RNLS: variants seen among roughly 807,000 people sequenced by gnomAD.
RNLS encodes renalase, FAD dependent amine oxidase, also known as renalase.
A neutral mutation model predicts 39.8 loss-of-function variants in RNLS; 39 were observed. That is an observed-to-expected ratio of 0.98 (90% confidence interval 0.76 to 1.28). The LOEUF (loss-of-function observed/expected upper bound fraction) is 1.28, where lower values mean the gene tolerates loss of function less well. Ranked by LOEUF, RNLS falls within the 50% of genes most tolerant of loss-of-function variation. The probability of loss-of-function intolerance (pLI) is 0.00; values close to 1 mark genes in which losing one functional copy is unlikely to be tolerated. For synonymous variants in RNLS, 147 were observed against 150.7 expected (o/e 0.98, Z 0.18); for missense variants, 410 against 413.3 (o/e 0.99, Z 0.07).
chr10:88,276,314 G>T (rs1162871282), intron 6 of RNLS, among the ~76,000 whole-genome samples: 1 of 151,922 alleles, frequency 6.6e-6, no homozygotes, highest in Non-Finnish European at 1.5e-5. Context: ...GTATTTTTAT[G>T]ATTTCTTTTG....
chr10:88,265,377 T>C, the RNLS span, among the ~76,000 whole-genome samples: 3 of 148,844 alleles, frequency 2.0e-5, no homozygotes, highest in East Asian at 3.9e-4. Context: ...GATTTTTTTC[T>C]AGTTCTGTGA....
chr10:88,516,810 T>C (rs1411316022), intron 4 of RNLS, among the ~76,000 whole-genome samples: 1 of 152,030 alleles, frequency 6.6e-6, no homozygotes, highest in African/African-American at 2.4e-5. Context: ...TCATCTCTGT[T>C]GACAGCTGTA....
intron 5 of RNLS, among the ~76,000 whole-genome samples, chr10:88,316,464 C>G (rs1845773950): frequency 6.6e-6 from 1 of 152,198 alleles, no homozygotes. Context: ...CACCCCTCTT[C>G]CATACAGTAC....
At chr10:88,268,676 C>G in the RNLS span, among the ~76,000 whole-genome samples, 1 of 152,220 alleles carries the variant, frequency 6.6e-6, no homozygotes. Context: ...CTCCCATCCT[C>G]TGTGTTAACT....
At chr10:88,290,552 G>A (rs1209978004) in intron 6 of RNLS, among the ~76,000 whole-genome samples, 4 of 151,912 alleles carry the variant, frequency 2.6e-5, no homozygotes, top group Admixed American at 2.6e-4. Flanking sequence ...CAATGAGAAA[G>A]AAAAAATGGT....
At chr10:88,482,758 A>G (rs966738194) in intron 4 of RNLS, among the ~76,000 whole-genome samples, 3 of 152,138 alleles carry the variant, frequency 2.0e-5, no homozygotes, top group Non-Finnish European at 4.4e-5. Flanking sequence ...TTTAGGTAAT[A>G]TATTGTAGAA....
chr10:88,324,404 A>G (rs1179689063), intron 5 of RNLS, among the ~76,000 whole-genome samples: 1 of 151,600 alleles, frequency 6.6e-6, no homozygotes, highest in Non-Finnish European at 1.5e-5. Flanking sequence ...ATGCAGCCAT[A>G]AAAAACGAAA....
intron 5 of RNLS, among the ~76,000 whole-genome samples, chr10:88,338,907 G>A (rs567321011): frequency 3.3e-5 from 5 of 152,134 alleles, no homozygotes; most frequent in African/African-American, 1.2e-4. Context: ...GACTACAGGC[G>A]CCCGCCACCA....
chr10:88,272,935 C>T (rs1842688584), downstream of RNLS, among the ~76,000 whole-genome samples: 1 of 152,158 alleles, frequency 6.6e-6, no homozygotes, highest in South Asian at 2.1e-4. Flanking sequence ...GACCCCAGCC[C>T]TGGAGTTTCA....
At chr10:88,236,624 C>CTTCAG in the RNLS span, among the ~76,000 whole-genome samples, 1 of 152,220 alleles carries the variant, frequency 6.6e-6, no homozygotes, top group East Asian at 1.9e-4. Context: ...TCTATTCACA[C>CTTCAG]TTCAGTTTCT....
At chr10:88,261,389 A>G in the RNLS span, among the ~76,000 whole-genome samples, 14 of 152,340 alleles carry the variant, frequency 9.2e-5, no homozygotes, top group Admixed American at 9.1e-4. Flanking sequence ...ATTTCAAACA[A>G]CAAATATTTA....
At chr10:88,402,476 A>C (rs1852990921) in intron 4 of RNLS, among the ~76,000 whole-genome samples, 1 of 152,002 alleles carries the variant, frequency 6.6e-6, no homozygotes, top group African/African-American at 2.4e-5. Context: ...ACTCTAACAA[A>C]ACTAGGAGAC....
intron 4 of RNLS, among the ~76,000 whole-genome samples, chr10:88,495,301 A>C (rs985137870): frequency 1.3e-5 from 2 of 152,174 alleles, no homozygotes; most frequent in Non-Finnish European, 2.9e-5. Context: ...TGTTGATATG[A>C]CTTGAGAAAA....
chr10:88,447,257 GAAAACCCCA>G (rs1221593158), intron 4 of RNLS, among the ~76,000 whole-genome samples: 17 of 152,300 alleles, frequency 1.1e-4, no homozygotes, highest in African/African-American at 3.6e-4. Context: ...TGTATATCTA[GAAAACCCCA>G]TCGTCTTACC....
chr10:88,458,167 G>T (rs1842743565), intron 4 of RNLS, among the ~76,000 whole-genome samples: 1 of 152,158 alleles, frequency 6.6e-6, no homozygotes, highest in Non-Finnish European at 1.5e-5. Context: ...CCTTCTAGCA[G>T]GACATGTTAG....
the RNLS span, among the ~76,000 whole-genome samples, chr10:88,228,569 C>T: frequency 5.3e-5 from 8 of 152,240 alleles, no homozygotes; most frequent in Admixed American, 3.9e-4. Flanking sequence ...CATTCCACAA[C>T]AACTTCCATA....
chr10:88,583,146 C>G lies in RNLS; in HGVS notation c.45G>C (p.Leu15Phe). ...LIVGAGMTGSLCAALLRRQTS... is the reference protein window; with the variant it reads ...LIVGAGMTGSFCAALLRRQTS... ...TCTGCCTCCTCAGCAGCGCAGCGCA[C>G]AAGCTTCCTGTCATCCCGGCGCCCA... The change falls in exon 1 of 7, where the codon TTG (leucine) becomes TTC (phenylalanine). Residue 15 changes from leucine (L) to phenylalanine (F), a missense_variant. By Grantham distance (22) the Leu-to-Phe change is conservative (BLOSUM62 0). Transcript: ENST00000331772. 1 of 1,614,098 alleles carries G rather than the reference C, an allele frequency of 6.2e-7. No homozygotes were observed. The highest frequency in any genetic ancestry group is 1.1e-5 in the South Asian group (1 of 91,080).
intron 4 of RNLS, among the ~76,000 whole-genome samples, chr10:88,519,420 T>A (rs1339651237): frequency 6.6e-6 from 1 of 151,424 alleles, no homozygotes; most frequent in East Asian, 1.9e-4. Context: ...CATATATATA[T>A]TTATATAATT....
intron 4 of RNLS, among the ~76,000 whole-genome samples, chr10:88,524,960 C>CATATATATATATAT (rs772272529): frequency 1.0e-4 from 9 of 88,956 alleles, no homozygotes; most frequent in Non-Finnish European, 1.7e-4. Flanking sequence ...CACACACATA[C>CATATATATATATAT]ATATATATAT....
Sources: allele counts gnomAD v4.1 joint callset (sites outside exome capture counted in the v4.1 genomes callset), GRCh38; gene constraint gnomAD v4.1.1; transcripts MANE v1.5; gene names NCBI Gene and HGNC (gene_info 2026-07-23, HGNC 2026-07-21).